Variants in RFX7 observed in about 807,000 individuals in gnomAD.
RFX7 encodes regulatory factor X7.
In RFX7, 26 loss-of-function variants were observed where a neutral mutation model predicts 111.8. That is an observed-to-expected ratio of 0.23 (90% CI 0.17 to 0.32). RFX7 has a LOEUF of 0.32. RFX7 is among the 10% of genes least tolerant of loss of function. RFX7 has a pLI of 1.00. For synonymous variants in RFX7, 624 were observed against 624.4 expected, an observed-to-expected ratio of 1.00 and a Z score of 0.01; for missense variants, 1,573 against 1,772.9, an observed-to-expected ratio of 0.89 and a Z score of 2.02.
chr15:56,111,680 A>AC (rs1555417874), intron 5 of RFX7, among the ~76,000 whole-genome samples: 1 of 148,476 alleles, frequency 6.7e-6, no homozygotes, highest in Non-Finnish European at 1.5e-5. Flanking sequence ...AAAAAAAAAA[A>AC]CCAAAAAAAC....
intron 2 of RFX7, among the ~76,000 whole-genome samples, chr15:56,207,841 A>G (rs2682030): frequency 0.64 from 97,515 of 152,038 alleles, 31,557 homozygotes; most frequent in East Asian, 0.86. Context: ...GAGTGGTAAG[A>G]TCAGGGGTCA....
chr15:56,228,432 C>G (rs1055971318), intron 2 of RFX7, among the ~76,000 whole-genome samples: 5 of 151,920 alleles, frequency 3.3e-5, no homozygotes, highest in African/African-American at 1.2e-4. Context: ...TTTCATTCAA[C>G]TGAAGCAGCA....
intron 5 of RFX7, among the ~76,000 whole-genome samples, chr15:56,124,423 G>GA (rs1555419205): frequency 0.096 from 10,050 of 104,346 alleles, 395 homozygotes; most frequent in Admixed American, 0.14. Flanking sequence ...CTCAGTCTCC[G>GA]AAAAAAAAAA....
intron 2 of RFX7, among the ~76,000 whole-genome samples, chr15:56,227,478 T>A (rs1361109211): frequency 1.3e-5 from 2 of 152,220 alleles, no homozygotes; most frequent in Non-Finnish European, 2.9e-5. Context: ...TTTATATGAT[T>A]CCATATTCTC....
At chr15:56,123,173 T>C (rs2042100001) in intron 5 of RFX7, among the ~76,000 whole-genome samples, 1 of 152,120 alleles carries the variant, frequency 6.6e-6, no homozygotes, top group African/African-American at 2.4e-5. Context: ...GGGTCATACC[T>C]GAAGCCAGAA....
intron 5 of RFX7, among the ~76,000 whole-genome samples, chr15:56,135,585 A>C (rs1378133443): frequency 6.6e-6 from 1 of 151,634 alleles, no homozygotes; most frequent in African/African-American, 2.4e-5. Flanking sequence ...CTCTGATGGT[A>C]GTTTCTTTTG....
intron 5 of RFX7, among the ~76,000 whole-genome samples, chr15:56,136,747 G>A (rs2042308437): frequency 6.9e-6 from 1 of 144,492 alleles, no homozygotes; most frequent in African/African-American, 2.6e-5. Flanking sequence ...GATATTGGCT[G>A]TGGGTTTGTC....
intron 5 of RFX7, among the ~76,000 whole-genome samples, chr15:56,140,123 T>C (rs1303205287): frequency 6.6e-6 from 1 of 152,204 alleles, no homozygotes; most frequent in African/African-American, 2.4e-5. Context: ...GCAGGCCTCC[T>C]TGAGCTGTGG....
intron 5 of RFX7, among the ~76,000 whole-genome samples, chr15:56,124,552 C>G (rs557339103): frequency 1.3e-5 from 2 of 152,288 alleles, no homozygotes; most frequent in East Asian, 1.9e-4. Flanking sequence ...AGTAGCTATC[C>G]TAACAGGGTA....
At chr15:56,224,573 C>T (rs939566876) in intron 2 of RFX7, among the ~76,000 whole-genome samples, 2 of 151,410 alleles carry the variant, frequency 1.3e-5, no homozygotes, top group African/African-American at 2.4e-5. Flanking sequence ...AATTTACTAA[C>T]GTAGTTACAT....
At chr15:56,098,010 T>G in intron 9 of RFX7, 71 bp downstream of exon 9, 1 of 1,428,594 alleles carries the variant, frequency 7.0e-7, no homozygotes, top group Non-Finnish European at 9.7e-7. Context: ...CTTCTTTTCA[T>G]CTGCCACTTT....
At position 56,093,515 on chromosome 15, in the gene RFX7, G is replaced by A. The variant is rs1490777390; in HGVS notation, c.4213C>T (p.Leu1405=). 6.2e-7 allele frequency: 1 copy of A among 1,613,736 alleles called. No individual in the cohort carries two copies. Among genetic ancestry groups the A allele is most frequent in the African/African-American group, 1.3e-5 (1 of 74,908 alleles). ...CCCTGCTGACGACCTGGATCAAACAGTAGATTTGGGTCTAAAGTGTTCAAA... is the reference window on the plus strand; with the variant it reads ...CCCTGCTGACGACCTGGATCAAACAATAGATTTGGGTCTAAAGTGTTCAAA... The part of the protein sequence containing the change: ...NDLNTLDPNL[L]FDPGRQQGQD... Residue 1405 remains leucine, a synonymous_variant, in exon 10 of 10, where the codon CTG becomes TTG. Coordinates refer to ENST00000559447, the MANE Select transcript of RFX7 (RefSeq NM_022841.7).
chr15:56,180,076 C>G (rs2042952332), intron 2 of RFX7, among the ~76,000 whole-genome samples: 1 of 152,078 alleles, frequency 6.6e-6, no homozygotes, highest in Admixed American at 6.6e-5. Context: ...GCAAAATGTT[C>G]AGGAACAGTT....
At chr15:56,133,332 G>A (rs2042243720) in intron 5 of RFX7, among the ~76,000 whole-genome samples, 2 of 152,138 alleles carry the variant, frequency 1.3e-5, no homozygotes, top group African/African-American at 4.8e-5. Context: ...AGTCTTTACT[G>A]TCTGAGATTA....
chr15:56,140,768 GA>G (rs1180445194), intron 5 of RFX7, among the ~76,000 whole-genome samples: 2 of 151,588 alleles, frequency 1.3e-5, no homozygotes, highest in East Asian at 3.9e-4. Context: ...ACTTTTTTTA[GA>G]AAAAAAATCA....
At chr15:56,097,366 T>C (rs2041692913) in intron 9 of RFX7, among the ~76,000 whole-genome samples, 2 of 152,122 alleles carry the variant, frequency 1.3e-5, no homozygotes, top group African/African-American at 4.8e-5. Flanking sequence ...AAGCCACGGA[T>C]AGGCCTACAT....
chr15:56,136,616 C>T lies in RFX7; in HGVS notation c.401+6162G>A, dbSNP rs1318829517. ...AATTGAATACCCTTTATTTCCTTCT[C>T]CTGCCTGACTGCCCTGGCCAGCACT... On this transcript the variant is annotated intron_variant, in intron 5 of 9. Transcript: ENST00000559447. Among the ~76,000 whole-genome samples the T allele has an allele frequency of 1.2e-3, 176 of 152,066 alleles. 1 individual carries two copies. Among genetic ancestry groups the T allele is most frequent in the African/African-American group, 4.2e-3 (173 of 41,442 alleles).
intron 2 of RFX7, among the ~76,000 whole-genome samples, chr15:56,230,033 A>T (rs184361326): frequency 6.6e-6 from 1 of 152,172 alleles, no homozygotes; most frequent in African/African-American, 2.4e-5. Context: ...GGCTTTGGCC[A>T]TAACTCAAAC....
At chr15:56,224,597 AT>A (rs1221294634) in intron 2 of RFX7, among the ~76,000 whole-genome samples, 3 of 152,054 alleles carry the variant, frequency 2.0e-5, no homozygotes, top group Non-Finnish European at 4.4e-5. Flanking sequence ...GTCGTTAAAC[AT>A]TTTAATGACT....
Sources: gnomAD v4.1 joint callset for allele counts (sites outside exome capture counted in the v4.1 genomes callset) on GRCh38, gnomAD v4.1.1 for gene constraint, MANE v1.5 for transcripts, NCBI Gene and HGNC (gene_info 2026-07-23, HGNC 2026-07-21) for gene names.